BRD10: variants seen among roughly 807,000 people sequenced by gnomAD.
BRD10 encodes the protein bromodomain containing 10.
chr9:6,006,997 G>C, the BRD10 span, among the ~76,000 whole-genome samples: 1 of 152,086 alleles, frequency 6.6e-6, no homozygotes, highest in Non-Finnish European at 1.5e-5. Context: ...CTCAGTCTAC[G>C]CGCAAGCCGG....
At chr9:5,999,374 T>C in the BRD10 span, among the ~76,000 whole-genome samples, 6,242 of 152,032 alleles carry the variant, frequency 0.041, 336 homozygotes, top group South Asian at 0.13. Flanking sequence ...GATACATTTA[T>C]ATATATATAA....
the BRD10 span, among the ~76,000 whole-genome samples, chr9:5,954,598 T>C: frequency 1.7e-4 from 26 of 152,170 alleles, no homozygotes; most frequent in African/African-American, 2.4e-4. Flanking sequence ...ACTCACCTAA[T>C]AGGCTGCCCT....
chr9:5,973,467 A>G, the BRD10 span, among the ~76,000 whole-genome samples: 1 of 152,224 alleles, frequency 6.6e-6, no homozygotes, highest in African/African-American at 2.4e-5. Flanking sequence ...ACTCCATCTC[A>G]AAAAATAATA....
the BRD10 span, among the ~76,000 whole-genome samples, chr9:5,935,573 T>C: frequency 6.6e-6 from 1 of 152,228 alleles, no homozygotes; most frequent in South Asian, 2.1e-4. Flanking sequence ...AATAAATTGA[T>C]ATTAAGCCAA....
chr9:5,902,204 T>A, the BRD10 span, among the ~76,000 whole-genome samples: 6 of 151,372 alleles, frequency 4.0e-5, no homozygotes, highest in African/African-American at 1.5e-4. Context: ...TCTCTTCAGA[T>A]GGTCTAGTTC....
At chr9:5,999,395 TA>T in the BRD10 span, among the ~76,000 whole-genome samples, 1 of 152,072 alleles carries the variant, frequency 6.6e-6, no homozygotes, top group Admixed American at 6.5e-5. Flanking sequence ...TCACCAGACC[TA>T]AAAGAAACAT....
chr9:5,923,232 A>T, the BRD10 span: 1 of 1,613,890 alleles, frequency 6.2e-7, no homozygotes, highest in South Asian at 1.1e-5. Flanking sequence ...GTCTTCGGTA[A>T]GTCTTTTGAA....
chr9:5,886,993 T>A, the BRD10 span, among the ~76,000 whole-genome samples: 3 of 151,892 alleles, frequency 2.0e-5, no homozygotes, highest in African/African-American at 7.3e-5. Flanking sequence ...GTGCAGTGGG[T>A]CGCGTCTGTA....
At chr9:5,927,155 C>A in the BRD10 span, among the ~76,000 whole-genome samples, 1 of 152,106 alleles carries the variant, frequency 6.6e-6, no homozygotes, top group Non-Finnish European at 1.5e-5. Context: ...GTAACCTTCT[C>A]GGTCTCAGTT....
At chr9:5,918,086 GCTTT>G in the BRD10 span, among the ~76,000 whole-genome samples, 2 of 152,164 alleles carry the variant, frequency 1.3e-5, no homozygotes, top group Non-Finnish European at 2.9e-5. Context: ...CTTCCCCAGG[GCTTT>G]CTTAACTGAC....
the BRD10 span, chr9:5,909,734 A>T: frequency 6.6e-6 from 1 of 152,272 alleles, no homozygotes; most frequent in East Asian, 1.9e-4. Context: ...TACTGCCTTA[A>T]ATGTACCTAT....
chr9:5,998,440 A>G, the BRD10 span, among the ~76,000 whole-genome samples: 1,933 of 152,218 alleles, frequency 0.013, 12 homozygotes, highest in Non-Finnish European at 0.02. Flanking sequence ...AATACTGTCA[A>G]TCCTACCACC....
At chr9:5,983,732 A>AAC in the BRD10 span, among the ~76,000 whole-genome samples, 121 of 152,162 alleles carry the variant, frequency 8.0e-4, no homozygotes, top group Admixed American at 1.9e-3. Context: ...GATAAACACA[A>AAC]ACACACACAC....
the BRD10 span, among the ~76,000 whole-genome samples, chr9:5,931,970 T>C: frequency 6.6e-6 from 1 of 152,212 alleles, no homozygotes; most frequent in Non-Finnish European, 1.5e-5. Flanking sequence ...TTATGTATCA[T>C]CTGCTTTGGT....
the BRD10 span, among the ~76,000 whole-genome samples, chr9:5,889,087 G>A: frequency 3.3e-5 from 5 of 152,226 alleles, no homozygotes; most frequent in Admixed American, 6.5e-5. Context: ...TCTGAATCCC[G>A]GTGAAACCAT....
chr9:5,938,237 T>C, the BRD10 span, among the ~76,000 whole-genome samples: 2 of 152,158 alleles, frequency 1.3e-5, no homozygotes, highest in African/African-American at 4.8e-5. Context: ...GCCCAGGAGT[T>C]TGAGACCAGC....
chr9:5,975,013 G>A, the BRD10 span, among the ~76,000 whole-genome samples: 10 of 152,192 alleles, frequency 6.6e-5, no homozygotes, highest in East Asian at 3.9e-4. Flanking sequence ...AATATCCAGC[G>A]CTCACCAAGG....
the BRD10 span, among the ~76,000 whole-genome samples, chr9:5,995,142 C>T: frequency 6.6e-6 from 1 of 152,202 alleles, no homozygotes; most frequent in Non-Finnish European, 1.5e-5. Context: ...CTCAGTTGAT[C>T]CACCCGCCTT....
chr9:5,906,655 G>A, the BRD10 span, among the ~76,000 whole-genome samples: 1 of 152,320 alleles, frequency 6.6e-6, no homozygotes, highest in South Asian at 2.1e-4. Context: ...CTGCACTAGA[G>A]CTTTACTTCT....
Sources: gnomAD v4.1 joint callset for allele counts (sites outside exome capture counted in the v4.1 genomes callset) on GRCh38, gnomAD v4.1.1 for gene constraint, MANE v1.5 for transcripts, NCBI Gene and HGNC (gene_info 2026-07-23, HGNC 2026-07-21) for gene names.